The following TMEM260 variants were observed in gnomAD, a reference collection of about 807,000 sequenced individuals.
The protein encoded by TMEM260 is transmembrane protein 260, also known as protein O-mannosyl-transferase TMEM260.
A neutral mutation model predicts 88.9 loss-of-function variants in TMEM260; 82 were observed. The ratio of observed to expected loss-of-function variants is 0.92; its 90% CI spans 0.77 to 1.11. TMEM260 has a LOEUF of 1.11. TMEM260 is among the 50% of genes least tolerant of loss of function. TMEM260 has a pLI of 0.00. For synonymous variants in TMEM260, 314 were observed against 309.3 expected (o/e 1.02, Z -0.16); for missense variants, 902 against 853.4 (o/e 1.06, Z -0.71).
At chr14:56,589,340 G>T (rs745657490) in intron 3 of TMEM260, among the ~76,000 whole-genome samples, 2 of 152,026 alleles carry the variant, frequency 1.3e-5, no homozygotes, top group Non-Finnish European at 1.5e-5. Context: ...ACTATTGCCG[G>T]CCAAATGGAA....
At chr14:56,627,708 A>G (rs1888326452) in intron 12 of TMEM260, among the ~76,000 whole-genome samples, 1 of 152,226 alleles carries the variant, frequency 6.6e-6, no homozygotes, top group South Asian at 2.1e-4. Context: ...CTAAATGCAT[A>G]CCTCTGAAAG....
intron 10 of TMEM260, 111 bp downstream of exon 10, chr14:56,618,874 G>A (rs1277003424): frequency 2.8e-6 from 3 of 1,089,350 alleles, no homozygotes; most frequent in Non-Finnish European, 2.6e-6. Context: ...GACTCAAAGT[G>A]AGACAGCTTG....
chr14:56,644,918 G>A (rs967248668), intron 15 of TMEM260, among the ~76,000 whole-genome samples: 4 of 152,194 alleles, frequency 2.6e-5, no homozygotes, highest in African/African-American at 7.2e-5. Flanking sequence ...GGCCATCAGA[G>A]AAATGCAAAT....
chr14:56,596,576 C>T (rs993708978), intron 3 of TMEM260, among the ~76,000 whole-genome samples: 2 of 150,100 alleles, frequency 1.3e-5, no homozygotes, highest in South Asian at 4.2e-4. Flanking sequence ...AGACTAGCCT[C>T]AACATGGAGA....
At chr14:56,631,025 A>G (rs187433005) in intron 12 of TMEM260, among the ~76,000 whole-genome samples, 59 of 152,312 alleles carry the variant, frequency 3.9e-4, no homozygotes, top group African/African-American at 1.3e-3. Context: ...AGCAACCTCA[A>G]TTCTTGCCAC....
chr14:56,612,567 T>C, intron 7 of TMEM260: 2 of 401,828 alleles, frequency 5.0e-6, no homozygotes, highest in Non-Finnish European at 9.0e-6. Context: ...TTGTATACTT[T>C]TAATCATCTC....
the TMEM260 span, among the ~76,000 whole-genome samples, chr14:56,658,178 C>T: frequency 2.6e-5 from 4 of 152,178 alleles, no homozygotes; most frequent in East Asian, 5.8e-4. Context: ...GCCCTGCTTC[C>T]ACAAAGCAAT....
intron 6 of TMEM260, 65 bp downstream of exon 6, chr14:56,609,350 C>A: frequency 6.9e-7 from 1 of 1,442,364 alleles, no homozygotes; most frequent in Admixed American, 2.0e-5. Context: ...CTGCCTGGGC[C>A]TTGATTAAAA....
chr14:56,626,703 T>TG (rs1888263487), intron 12 of TMEM260, among the ~76,000 whole-genome samples: 2 of 152,190 alleles, frequency 1.3e-5, no homozygotes, highest in Admixed American at 1.3e-4. Flanking sequence ...TAATTCTGTT[T>TG]GGGGACATTC....
chr14:56,617,690 C>A (rs1887672890), intron 9 of TMEM260, among the ~76,000 whole-genome samples: 1 of 152,092 alleles, frequency 6.6e-6, no homozygotes, highest in African/African-American at 2.4e-5. Flanking sequence ...GGCAAAAGAG[C>A]AACCGTATTT....
intron 14 of TMEM260, 152 bp from the exon 15 acceptor site, chr14:56,636,356 G>C (rs1305735466): frequency 1.5e-6 from 1 of 649,892 alleles, no homozygotes; most frequent in East Asian, 2.7e-5. Flanking sequence ...TGTTGGTTCA[G>C]AGCAAATGTC....
chr14:56,605,474 C>T (rs977435796), intron 4 of TMEM260, 96 bp from the exon 5 acceptor site: 33 of 532,300 alleles, frequency 6.2e-5, no homozygotes, highest in Middle Eastern at 5.2e-4. Context: ...TAACATGATA[C>T]GAATGCTTGG....
At chr14:56,654,936 G>A (rs1049915317), downstream of TMEM260, among the ~76,000 whole-genome samples, 31 of 150,774 alleles carry the variant, frequency 2.1e-4, no homozygotes, top group African/African-American at 7.1e-4. Context: ...AGGTGACAAT[G>A]ATTTCTCCCA....
intron 3 of TMEM260, among the ~76,000 whole-genome samples, chr14:56,596,000 A>G (rs1886182051): frequency 6.6e-6 from 1 of 152,174 alleles, no homozygotes; most frequent in Non-Finnish European, 1.5e-5. Flanking sequence ...AAAAAAATCA[A>G]TGTAACAAGT....
chr14:56,621,836 T>C (rs960332318), intron 11 of TMEM260, 134 bp downstream of exon 11: 3 of 639,910 alleles, frequency 4.7e-6, no homozygotes, highest in Non-Finnish European at 7.3e-6. Flanking sequence ...TATGACATTC[T>C]ACATGTTAGG....
intron 12 of TMEM260, among the ~76,000 whole-genome samples, chr14:56,632,597 A>C (rs1489101986): frequency 6.6e-6 from 1 of 152,018 alleles, no homozygotes; most frequent in Non-Finnish European, 1.5e-5. Context: ...TATTTGAGAC[A>C]TACTTCTGAG....
chr14:56,634,879 C>T lies in TMEM260; in HGVS notation c.1725-20C>T. On this transcript the variant is annotated intron_variant, in intron 13 of 15. Coordinates refer to ENST00000261556, the MANE Select transcript of TMEM260 (RefSeq NM_017799.4). ...AAAAGTGGGTGACAGAAAGATATTA[C>T]TGTTTTCTTGTAACTACAGGTTTGA... 6.3e-7 allele frequency: 1 copy of T among 1,595,984 alleles called. No homozygotes were observed. Among genetic ancestry groups the T allele is most frequent in the Non-Finnish European group, 8.6e-7 (1 of 1,168,802 alleles).
chr14:56,624,775 C>T (rs1287580877), intron 11 of TMEM260, among the ~76,000 whole-genome samples: 1 of 151,564 alleles, frequency 6.6e-6, no homozygotes, highest in Non-Finnish European at 1.5e-5. Flanking sequence ...GTGATATTTA[C>T]AGTGGTTCTG....
intron 11 of TMEM260, among the ~76,000 whole-genome samples, chr14:56,624,469 G>T (rs1888118329): frequency 6.6e-6 from 1 of 152,234 alleles, no homozygotes; most frequent in African/African-American, 2.4e-5. Context: ...AGCTACTTGG[G>T]AGGCTTAGGT....
Sources: allele counts gnomAD v4.1 joint callset (sites outside exome capture counted in the v4.1 genomes callset), GRCh38; gene constraint gnomAD v4.1.1; transcripts MANE v1.5; gene names NCBI Gene and HGNC (gene_info 2026-07-23, HGNC 2026-07-21).